The following ARHGAP32 variants were observed in gnomAD, a reference collection of about 807,000 sequenced individuals.
ARHGAP32 encodes rho GTPase-activating protein 32.
In ARHGAP32, 51 loss-of-function variants were observed where a neutral mutation model predicts 186.5. The observed-to-expected ratio is 0.27, with a 90% CI of 0.22 to 0.35. The LOEUF is 0.35. Ranked by LOEUF, ARHGAP32 falls within the 10% of genes least tolerant of loss-of-function variation. ARHGAP32 has a pLI of 1.00. For synonymous variants in ARHGAP32, 950 were observed against 964.3 expected, an observed-to-expected ratio of 0.99 and a Z score of 0.27; for missense variants, 2,186 against 2,623.5, an observed-to-expected ratio of 0.83 and a Z score of 3.64.
chr11:129,040,811 AATT>A, intron 11 of ARHGAP32, 114 bp downstream of exon 11: 1 of 632,520 alleles, frequency 1.6e-6, no homozygotes, highest in Non-Finnish European at 2.7e-6. Context: ...TAAGAATGTT[AATT>A]ATTATGCCTA....
At chr11:129,033,608 G>A (rs10893951) in intron 11 of ARHGAP32, among the ~76,000 whole-genome samples, 41,949 of 151,926 alleles carry the variant, frequency 0.28, 6,291 homozygotes, top group Middle Eastern at 0.4. Flanking sequence ...CCTTTTAATT[G>A]TTTAATTATT....
intron 11 of ARHGAP32, chr11:129,024,018 A>C (rs1565381230): frequency 1.0e-6 from 1 of 985,336 alleles, no homozygotes; most frequent in Non-Finnish European, 1.2e-6. Flanking sequence ...CCACAGGTTA[A>C]CTTCAAGTTA....
At chr11:128,996,039 C>T (rs1946190700) in intron 12 of ARHGAP32, among the ~76,000 whole-genome samples, 2 of 152,174 alleles carry the variant, frequency 1.3e-5, no homozygotes, top group Non-Finnish European at 2.9e-5. Flanking sequence ...TAACTCAGAA[C>T]CTTCTGAAAC....
chr11:129,051,953 C>CAAAAA (rs36014500), intron 10 of ARHGAP32, among the ~76,000 whole-genome samples: 1 of 71,138 alleles, frequency 1.4e-5, no homozygotes, highest in Non-Finnish European at 2.5e-5. Flanking sequence ...GATTCTGTCT[C>CAAAAA]AAAAAAAAAA....
chr11:129,236,722 T>C (rs999536982), intron 1 of ARHGAP32, among the ~76,000 whole-genome samples: 3 of 152,206 alleles, frequency 2.0e-5, no homozygotes, highest in Admixed American at 1.3e-4. Flanking sequence ...GACTTCCTCT[T>C]TACCGATTTG....
intron 1 of ARHGAP32, among the ~76,000 whole-genome samples, chr11:129,170,184 T>C (rs980999642): frequency 2.7e-5 from 4 of 149,876 alleles, no homozygotes; most frequent in African/African-American, 9.8e-5. Flanking sequence ...AATATATATA[T>C]ATAATTTCTT....
At chr11:128,985,249 C>T (rs1945830306) in intron 15 of ARHGAP32, among the ~76,000 whole-genome samples, 2 of 152,106 alleles carry the variant, frequency 1.3e-5, no homozygotes, top group Admixed American at 6.5e-5. Flanking sequence ...AACTCCTCAC[C>T]TCAGGTGATC....
chr11:129,051,143 TTTGGG>T (rs1269188229), intron 10 of ARHGAP32, among the ~76,000 whole-genome samples: 1 of 152,212 alleles, frequency 6.6e-6, no homozygotes, highest in Non-Finnish European at 1.5e-5. Context: ...TTTATAATCC[TTTGGG>T]TATATATCCA....
chr11:129,095,430 C>T (rs1173366098), intron 5 of ARHGAP32, among the ~76,000 whole-genome samples: 1 of 152,212 alleles, frequency 6.6e-6, no homozygotes, highest in East Asian at 1.9e-4. Context: ...AGAGTTGACA[C>T]TCACCCATCA....
chr11:128,985,139 C>G (rs1418442863), intron 15 of ARHGAP32, among the ~76,000 whole-genome samples: 1 of 152,140 alleles, frequency 6.6e-6, no homozygotes, highest in African/African-American at 2.4e-5. Flanking sequence ...CCTGCCTCAG[C>G]CCCCGAGTAG....
chr11:129,152,358 A>G (rs1019684916), intron 2 of ARHGAP32, among the ~76,000 whole-genome samples: 12 of 152,196 alleles, frequency 7.9e-5, no homozygotes, highest in Non-Finnish European at 1.2e-4. Flanking sequence ...AGACAGAGAA[A>G]GAGGAAATCC....
At chr11:129,083,269 A>C (rs1392658800) in intron 6 of ARHGAP32, among the ~76,000 whole-genome samples, 2 of 152,216 alleles carry the variant, frequency 1.3e-5, no homozygotes, top group African/African-American at 4.8e-5. Context: ...ATTATAGGAC[A>C]CTTGCCCACA....
rs1945231279 is a variant in ARHGAP32 at position 128,966,770 on chromosome 11, C to T, written c.*2137G>A. 6.6e-6 allele frequency: 1 copy of T among 152,144 alleles called. No individual in the cohort carries two copies. The allele number at this position is 152,144 out of a possible 1,614,324, so 9.4% of individuals were successfully genotyped here. A position where few individuals can be genotyped will look rare whatever the true frequency, so the allele number is the denominator to read the frequency against. ...GTGTGTATCTCCTGGTCACAGCAGC[C>T]CCTCTTCCTAATCTCCATGCTGCTG... On this transcript the variant is annotated 3_prime_UTR_variant, in exon 23 of 23. Transcript: ENST00000682385.
chr11:129,191,729 C>A (rs1000792965), intron 1 of ARHGAP32, among the ~76,000 whole-genome samples: 1 of 151,660 alleles, frequency 6.6e-6, no homozygotes, highest in Non-Finnish European at 1.5e-5. Flanking sequence ...GAAGAAAAAT[C>A]TATTAGATAC....
intron 1 of ARHGAP32, among the ~76,000 whole-genome samples, chr11:129,236,989 T>A (rs1944945444): frequency 6.6e-6 from 1 of 152,210 alleles, no homozygotes; most frequent in Non-Finnish European, 1.5e-5. Flanking sequence ...ATCCTTTTCT[T>A]GCATCTATTG....
intron 11 of ARHGAP32, 124 bp from the exon 12 acceptor site, chr11:128,998,592 C>T: frequency 1.6e-6 from 1 of 607,690 alleles, no homozygotes; most frequent in East Asian, 3.3e-5. Context: ...ACTTTATAAT[C>T]TTTAGGAAAA....
At chr11:128,986,924 T>A (rs1945890238) in intron 13 of ARHGAP32, among the ~76,000 whole-genome samples, 1 of 152,210 alleles carries the variant, frequency 6.6e-6, no homozygotes, top group African/African-American at 2.4e-5. Flanking sequence ...GCCTCTGAGA[T>A]ACATATGAAT....
chr11:129,092,231 AT>A (rs560443362), intron 6 of ARHGAP32, among the ~76,000 whole-genome samples: 6 of 151,462 alleles, frequency 4.0e-5, no homozygotes, highest in Admixed American at 2.0e-4. Flanking sequence ...AACAGCACAG[AT>A]TTTTTTTTAT....
intron 11 of ARHGAP32, among the ~76,000 whole-genome samples, chr11:129,022,395 T>TA (rs1483872716): frequency 6.6e-6 from 1 of 152,046 alleles, no homozygotes; most frequent in African/African-American, 2.4e-5. Flanking sequence ...TTGCAGGAAG[T>TA]AGAGGGGAAA....
Sources: gnomAD v4.1 joint callset for allele counts (sites outside exome capture counted in the v4.1 genomes callset) on GRCh38, gnomAD v4.1.1 for gene constraint, MANE v1.5 for transcripts, NCBI Gene and HGNC (gene_info 2026-07-23, HGNC 2026-07-21) for gene names.